MTFR2: variants seen among roughly 807,000 people sequenced by gnomAD.
MTFR2 encodes DUF729 domain-containing protein 1.
MTFR2 carries 44 observed loss-of-function variants against 41.2 expected under a neutral mutation model. The ratio of observed to expected loss-of-function variants is 1.07; its 90% CI spans 0.84 to 1.37. MTFR2 has a LOEUF of 1.37. Ranked by LOEUF, MTFR2 falls within the 40% of genes most tolerant of loss-of-function variation. The pLI is 0.00. For missense variants in MTFR2, 452 were observed against 459.5 expected, an observed-to-expected ratio of 0.98 and a Z score of 0.15; for synonymous variants, 141 against 154.6, an observed-to-expected ratio of 0.91 and a Z score of 0.65.
intron 5 of MTFR2, among the ~76,000 whole-genome samples, chr6:136,240,939 A>G (rs939503037): frequency 6.6e-6 from 1 of 152,088 alleles, no homozygotes; most frequent in Non-Finnish European, 1.5e-5. Context: ...AAAATACAAA[A>G]AATTAGCCGA....
At chr6:136,237,889 G>A (rs535829138) in intron 6 of MTFR2, among the ~76,000 whole-genome samples, 2 of 152,090 alleles carry the variant, frequency 1.3e-5, no homozygotes, top group Non-Finnish European at 2.9e-5. Flanking sequence ...TGTTTCTCAG[G>A]AAGCTATAGG....
At chr6:136,237,674 G>A (rs997772547) in intron 6 of MTFR2, among the ~76,000 whole-genome samples, 1 of 152,050 alleles carries the variant, frequency 6.6e-6, no homozygotes, top group Non-Finnish European at 1.5e-5. Flanking sequence ...GCTGGGCATG[G>A]TGGCACGTGC....
chr6:136,241,673 A>G lies in MTFR2; in HGVS notation c.285T>C (p.Asn95=), dbSNP rs1394655425. ...TCTCTTCTTCATTTTTCCATATACT[A>G]TTTCTGTGGGTGAAAAAAAATAGGA... The part of the protein sequence containing the change: ...DEEASYLRFR[N]SIWKNEEEKV... Residue 95 remains asparagine (N), a synonymous_variant, in exon 5 of 8, where the codon AAT becomes AAC. Transcript: ENST00000420702. 3 of 1,604,046 alleles carry G rather than the reference A, an allele frequency of 1.9e-6. No individual in the cohort carries two copies. Among genetic ancestry groups the G allele is most frequent in the Non-Finnish European group, 2.5e-6 (3 of 1,176,652 alleles).
chr6:136,231,262 C>T lies in MTFR2; in HGVS notation c.*13G>A, dbSNP rs375131149. The stretch of plus-strand genomic sequence containing the variant: ...GAAGTTTTGGAAGTTTAAAGCTCAA[C>T]CTTAAGTTGAGTTTAAATCCTTGAG... On this transcript the variant is annotated 3_prime_UTR_variant, in exon 8 of 8. Transcript: ENST00000420702. The T allele has an allele frequency of 6.4e-7, 1 of 1,558,514 alleles. No homozygotes were observed. Among genetic ancestry groups the T allele is most frequent in the Non-Finnish European group, 8.8e-7 (1 of 1,134,610 alleles).
At chr6:136,234,323 C>T (rs1047809838) in intron 6 of MTFR2, among the ~76,000 whole-genome samples, 1 of 139,478 alleles carries the variant, frequency 7.2e-6, no homozygotes, top group Non-Finnish European at 1.6e-5. Context: ...AAAAAAAAAA[C>T]TAAATTAAAA....
intron 6 of MTFR2, among the ~76,000 whole-genome samples, chr6:136,234,368 A>T (rs1431473354): frequency 6.6e-6 from 1 of 151,930 alleles, no homozygotes; most frequent in East Asian, 1.9e-4. Flanking sequence ...GTGATTAGGG[A>T]CAGAAGCACT....
chr6:136,233,650 A>G (rs1583958125), intron 6 of MTFR2, 151 bp from the exon 7 acceptor site: 2 of 627,002 alleles, frequency 3.2e-6, no homozygotes, highest in Non-Finnish European at 4.8e-6. Flanking sequence ...AATTTTCGCA[A>G]TGAAATAAGG....
At chr6:136,239,317 A>C (rs1779986039) in intron 6 of MTFR2, 149 bp downstream of exon 6, 1 of 544,220 alleles carries the variant, frequency 1.8e-6, no homozygotes, top group Non-Finnish European at 3.1e-6. Flanking sequence ...AGTCAAAAAT[A>C]ATTGAATGTC....
intron 6 of MTFR2, among the ~76,000 whole-genome samples, chr6:136,234,302 C>T (rs1418550239): frequency 6.5e-5 from 8 of 123,672 alleles, no homozygotes; most frequent in Non-Finnish European, 1.1e-4. Flanking sequence ...AACACCCTGT[C>T]TCAAAAAAAA....
chr6:136,247,451 G>A (rs889079188), intron 2 of MTFR2: 1 of 452,122 alleles, frequency 2.2e-6, no homozygotes, highest in Non-Finnish European at 4.4e-6. Context: ...TAGATCCCTT[G>A]CCCAACTACC....
At chr6:136,235,306 C>T (rs1439675789) in intron 6 of MTFR2, among the ~76,000 whole-genome samples, 1 of 119,808 alleles carries the variant, frequency 8.3e-6, no homozygotes, top group African/African-American at 8.4e-5. Flanking sequence ...AGGAAAAGTC[C>T]TGTTTTGGAC....
intron 4 of MTFR2, among the ~76,000 whole-genome samples, chr6:136,242,095 A>C (rs1287567597): frequency 6.7e-6 from 1 of 150,238 alleles, no homozygotes; most frequent in Non-Finnish European, 1.5e-5. Context: ...AAAAAAAAAA[A>C]AAAAAAAAAA....
At chr6:136,240,647 A>G (rs558344139) in intron 5 of MTFR2, among the ~76,000 whole-genome samples, 1 of 152,312 alleles carries the variant, frequency 6.6e-6, no homozygotes, top group East Asian at 1.9e-4. Context: ...TTATAAAACA[A>G]TCATCTGGAA....
intron 7 of MTFR2, 41 bp from the exon 8 acceptor site, chr6:136,231,429 G>T: frequency 8.0e-7 from 1 of 1,242,450 alleles, no homozygotes. Flanking sequence ...TTATTCTAAT[G>T]TCAAAAAAAA....
intron 5 of MTFR2, among the ~76,000 whole-genome samples, chr6:136,240,690 G>T (rs1780031213): frequency 6.6e-6 from 1 of 152,158 alleles, no homozygotes; most frequent in Non-Finnish European, 1.5e-5. Flanking sequence ...TGGAAGTGTA[G>T]CAGCAATAAC....
At chr6:136,244,943 T>A in intron 2 of MTFR2, 74 bp from the exon 3 acceptor site, 2 of 1,160,070 alleles carry the variant, frequency 1.7e-6, no homozygotes, top group Non-Finnish European at 2.4e-6. Context: ...AAAAAGGAGA[T>A]GTAAAAAAGA....
intron 6 of MTFR2, among the ~76,000 whole-genome samples, chr6:136,235,967 C>A (rs1779895461): frequency 6.6e-6 from 1 of 152,052 alleles, no homozygotes; most frequent in Admixed American, 6.5e-5. Context: ...AGGTGGGGAC[C>A]ATAGGCTGTA....
intron 5 of MTFR2, among the ~76,000 whole-genome samples, chr6:136,240,153 T>C (rs1780017616): frequency 6.6e-6 from 1 of 152,092 alleles, no homozygotes. Flanking sequence ...AAAACAGAAA[T>C]CAACAACTTG....
intron 1 of MTFR2, among the ~76,000 whole-genome samples, chr6:136,249,479 G>T (rs1780304009): frequency 6.6e-6 from 1 of 152,192 alleles, no homozygotes; most frequent in Non-Finnish European, 1.5e-5. Context: ...TTTCCTGAAA[G>T]CTTTGGGCTG....
Sources: allele counts gnomAD v4.1 joint callset (sites outside exome capture counted in the v4.1 genomes callset), GRCh38; gene constraint gnomAD v4.1.1; transcripts MANE v1.5; gene names NCBI Gene and HGNC (gene_info 2026-07-23, HGNC 2026-07-21).